The following FSHR variants were observed in gnomAD, a reference collection of about 807,000 sequenced individuals.
FSHR encodes follicle stimulating hormone receptor.
A neutral mutation model predicts 52.1 loss-of-function variants in FSHR; 46 were observed. The ratio of observed to expected loss-of-function variants is 0.88; its 90% CI spans 0.70 to 1.13. FSHR has a LOEUF of 1.13. Among genes scored for constraint, FSHR ranks in the 50% most tolerant of loss-of-function variants. The pLI, the probability that FSHR is intolerant of heterozygous loss-of-function variation, is 0.00. For synonymous variants in FSHR, 399 were observed against 309.6 expected (o/e 1.29, Z -3.03); for missense variants, 964 against 834.6 (o/e 1.16, Z -1.91).
intron 2 of FSHR, among the ~76,000 whole-genome samples, chr2:49,042,879 T>A (rs2104285637): frequency 1.3e-5 from 2 of 152,344 alleles, no homozygotes; most frequent in Middle Eastern, 3.4e-3. Flanking sequence ...AGAGACTAGC[T>A]ATAGTGTATG....
intron 1 of FSHR, among the ~76,000 whole-genome samples, chr2:49,146,524 G>T (rs1311467468): frequency 1.3e-5 from 2 of 151,952 alleles, no homozygotes; most frequent in African/African-American, 4.8e-5. Context: ...ATGTTTGTGT[G>T]GGGTTTTTCC....
chr2:49,051,850 A>G (rs1668870857), intron 2 of FSHR, among the ~76,000 whole-genome samples: 1 of 152,160 alleles, frequency 6.6e-6, no homozygotes, highest in African/African-American at 2.4e-5. Flanking sequence ...TTATCCACTT[A>G]AAGTTAAATT....
At chr2:49,131,114 G>A (rs1672247488) in intron 1 of FSHR, among the ~76,000 whole-genome samples, 1 of 152,116 alleles carries the variant, frequency 6.6e-6, no homozygotes, top group South Asian at 2.1e-4. Flanking sequence ...CACCTTAAAT[G>A]AAGAGTTAGA....
rs778825740 is a variant in FSHR at position 48,963,701 on chromosome 2, T to A, written c.1120A>T (p.Ile374Phe). The A allele has an allele frequency of 2.5e-6, 4 of 1,614,190 alleles. No individual in the cohort carries two copies. The East Asian group carries it at 6.7e-5, about 27-fold the overall frequency. The change falls in exon 10 of 10, where the codon ATC (isoleucine) becomes TTC (phenylalanine). Residue 374 changes from isoleucine to phenylalanine, a missense_variant. Transcript: ENST00000406846. ...ILRVLIWFIS[I>F]LAITGNIIVL... ...ATGATGTTCCCAGTGATGGCCAGGA[T>A]GCTGATAAACCATATCAGGACTCTG...
chr2:48,990,952 AG>A (rs1675746116), intron 4 of FSHR, among the ~76,000 whole-genome samples: 1 of 151,968 alleles, frequency 6.6e-6, no homozygotes, highest in African/African-American at 2.4e-5. Context: ...TAGTAACAAA[AG>A]TTTCTTAAAA....
chr2:48,989,619 C>T (rs896640841), intron 5 of FSHR, among the ~76,000 whole-genome samples: 1 of 152,112 alleles, frequency 6.6e-6, no homozygotes, highest in African/African-American at 2.4e-5. Context: ...ATAATTTCAC[C>T]CTAATGTAAC....
chr2:49,038,952 C>T (rs1160679840), intron 2 of FSHR, among the ~76,000 whole-genome samples: 5 of 151,980 alleles, frequency 3.3e-5, no homozygotes, highest in South Asian at 4.1e-4. Context: ...CAAACCCTAA[C>T]GGGAAAGATT....
intron 1 of FSHR, among the ~76,000 whole-genome samples, chr2:49,089,864 T>G (rs889134784): frequency 2.6e-5 from 4 of 151,942 alleles, no homozygotes; most frequent in African/African-American, 7.3e-5. Flanking sequence ...CAGATTTACA[T>G]AGTCTGCACC....
intron 8 of FSHR, among the ~76,000 whole-genome samples, chr2:48,975,017 C>T (rs1051556358): frequency 6.6e-6 from 1 of 152,126 alleles, no homozygotes; most frequent in Admixed American, 6.5e-5. Context: ...AAAAAGACAT[C>T]AGTTATTCAC....
intron 1 of FSHR, among the ~76,000 whole-genome samples, chr2:49,121,824 C>T (rs1479858258): frequency 6.6e-6 from 1 of 151,790 alleles, no homozygotes; most frequent in African/African-American, 2.4e-5. Context: ...GAAAAATATC[C>T]ATAAGGTAGT....
intron 6 of FSHR, among the ~76,000 whole-genome samples, chr2:48,984,514 A>G (rs1343111026): frequency 5.3e-5 from 8 of 152,350 alleles, no homozygotes; most frequent in Admixed American, 2.0e-4. Flanking sequence ...AATATTATAT[A>G]AGTACTTTAT....
At chr2:49,048,539 T>G (rs1374872742) in intron 2 of FSHR, among the ~76,000 whole-genome samples, 4 of 152,156 alleles carry the variant, frequency 2.6e-5, no homozygotes, top group Non-Finnish European at 4.4e-5. Flanking sequence ...TACCTTGCAT[T>G]TGCACTCACT....
intron 2 of FSHR, among the ~76,000 whole-genome samples, chr2:49,030,766 T>C (rs551339005): frequency 5.9e-5 from 9 of 152,322 alleles, no homozygotes; most frequent in Middle Eastern, 6.8e-3. Flanking sequence ...ACTGGTTTTA[T>C]ATCCATTTTT....
chr2:49,013,284 G>T, intron 4 of FSHR, among the ~76,000 whole-genome samples: 1 of 151,526 alleles, frequency 6.6e-6, no homozygotes, highest in Non-Finnish European at 1.5e-5. Context: ...TTTACTTAGC[G>T]TATGGTATTT....
At chr2:49,041,094 C>T (rs1178501495) in intron 2 of FSHR, among the ~76,000 whole-genome samples, 1 of 152,190 alleles carries the variant, frequency 6.6e-6, no homozygotes, top group Admixed American at 6.5e-5. Flanking sequence ...GACGGCTATA[C>T]ACATGCAGAA....
chr2:49,021,874 TATATATATATATAGAG>T (rs1478597855), intron 2 of FSHR, among the ~76,000 whole-genome samples: 3 of 56,784 alleles, frequency 5.3e-5, no homozygotes, highest in African/African-American at 2.2e-4. Flanking sequence ...TATATATATA[TATATATATATATAGAG>T]AGAGAGAGAG....
chr2:49,056,716 C>G (rs181231778), intron 2 of FSHR, among the ~76,000 whole-genome samples: 282 of 151,938 alleles, frequency 1.9e-3, no homozygotes, highest in African/African-American at 6.5e-3. Context: ...TTCTCATCAT[C>G]AGCAAATGAA....
chr2:49,021,831 T>TTTTCTCTCTCTC lies in FSHR; in HGVS notation c.225-1672_225-1671insGAGAGAGAGAAA, dbSNP rs760578631. Among the ~76,000 whole-genome samples the TTTTCTCTCTCTC allele has an allele frequency of 1.8e-3, 85 of 46,266 alleles. 1 individual carries two copies. The highest frequency in any genetic ancestry group is 4.2e-3 in the East Asian group (4 of 942). 30.4% of individuals were successfully genotyped at this position (46,266 alleles called of 152,430 possible). A position where few individuals can be genotyped will look rare whatever the true frequency, so the allele number is the denominator to read the frequency against. ...ACATAAATAAGGGTGGGGTATGTGTTTCTCTCTCTCTCTCTCTCTCTCTCT... is the reference window on the plus strand; with the variant it reads ...ACATAAATAAGGGTGGGGTATGTGTTTTTCTCTCTCTCTCTCTCTCTCTCTCTCTCTCTCTCT... On this transcript the variant is annotated intron_variant, in intron 2 of 9. Transcript: ENST00000406846.
At chr2:49,144,272 A>G (rs2103845331) in intron 1 of FSHR, among the ~76,000 whole-genome samples, 1 of 152,244 alleles carries the variant, frequency 6.6e-6, no homozygotes, top group Non-Finnish European at 1.5e-5. Flanking sequence ...TCTTTGGCTG[A>G]GGTTCTTAAA....
Sources: gnomAD v4.1 joint callset for allele counts (sites outside exome capture counted in the v4.1 genomes callset) on GRCh38, gnomAD v4.1.1 for gene constraint, MANE v1.5 for transcripts, NCBI Gene and HGNC (gene_info 2026-07-23, HGNC 2026-07-21) for gene names.